BDP1: variants seen among roughly 807,000 people sequenced by gnomAD.
BDP1 encodes the protein BDP1 general transcription factor IIIB subunit, also known as transcription factor TFIIIB component B'' homolog.
A neutral mutation model predicts 266.6 loss-of-function variants in BDP1; 169 were observed. That is an observed-to-expected ratio of 0.63 (90% confidence interval 0.56 to 0.72). BDP1 has a LOEUF of 0.72. Ranked by LOEUF, BDP1 falls within the 30% of genes least tolerant of loss-of-function variation. The pLI is 0.00. For missense variants in BDP1, 3,015 were observed against 3,053.8 expected, an observed-to-expected ratio of 0.99 and a Z score of 0.30; for synonymous variants, 1,090 against 1,022.4, an observed-to-expected ratio of 1.07 and a Z score of -1.26.
At chr5:71,503,693 A>G (rs1267812065) in intron 15 of BDP1, among the ~76,000 whole-genome samples, 1 of 152,166 alleles carries the variant, frequency 6.6e-6, no homozygotes, top group Non-Finnish European at 1.5e-5. Flanking sequence ...TAGGCCAGGC[A>G]TGGTGACTCA....
intron 7 of BDP1, among the ~76,000 whole-genome samples, chr5:71,483,185 G>A (rs1278557375): frequency 1.3e-5 from 2 of 151,642 alleles, no homozygotes; most frequent in African/African-American, 4.9e-5. Flanking sequence ...AACATTGGCT[G>A]TTTGTTTCCT....
At position 71,521,057 on chromosome 5, in the gene BDP1, G is replaced by A. The variant is rs187221697; in HGVS notation, c.4992-1232G>A. 3.8e-4 allele frequency among the ~76,000 whole-genome samples: 57 copies of A among 151,538 alleles called. No homozygotes were observed. In the East Asian group the frequency reaches 6.6e-3, roughly 18 times the overall value. On this transcript the variant is annotated intron_variant, in intron 22 of 38. Coordinates refer to ENST00000358731, the MANE Select transcript of BDP1 (RefSeq NM_018429.3). ...TACAAAATTAGCCAGCCGTGGTGGC[G>A]CATGCCTGTAATCCCAGCTACTTGA...
At chr5:71,556,633 CTA>C (rs1743234974) in intron 35 of BDP1, among the ~76,000 whole-genome samples, 1 of 152,054 alleles carries the variant, frequency 6.6e-6, no homozygotes, top group Non-Finnish European at 1.5e-5. Flanking sequence ...GCTGCTTGTA[CTA>C]TTTCTTTGAT....
intron 35 of BDP1, among the ~76,000 whole-genome samples, chr5:71,555,725 G>A (rs1404024306): frequency 1.3e-5 from 2 of 152,116 alleles, no homozygotes; most frequent in Non-Finnish European, 2.9e-5. Context: ...ACAGGTGTGG[G>A]CCACCACGCC....
At chr5:71,549,105 G>A (rs1373860468) in intron 33 of BDP1, among the ~76,000 whole-genome samples, 3 of 152,162 alleles carry the variant, frequency 2.0e-5, no homozygotes, top group African/African-American at 7.2e-5. Context: ...AGGCACGGTG[G>A]CATGCACCTG....
chr5:71,507,908 G>A (rs529613675), intron 16 of BDP1, among the ~76,000 whole-genome samples: 2 of 152,294 alleles, frequency 1.3e-5, no homozygotes, highest in South Asian at 2.1e-4. Flanking sequence ...ATTTCAGTGA[G>A]GAAGGATAGT....
chr5:71,472,234 G>T (rs528951592), intron 7 of BDP1, among the ~76,000 whole-genome samples: 25 of 152,360 alleles, frequency 1.6e-4, no homozygotes, highest in African/African-American at 5.8e-4. Context: ...GCCAAGGCAG[G>T]TGGATCACCT....
chr5:71,462,033 G>T (rs529931583), intron 3 of BDP1, 107 bp downstream of exon 3: 432 of 655,882 alleles, frequency 6.6e-4, no homozygotes, highest in Non-Finnish European at 4.6e-5. Context: ...TGCAATCTTG[G>T]CTCACTGCAA....
intron 2 of BDP1, among the ~76,000 whole-genome samples, chr5:71,459,471 C>G (rs1761410184): frequency 6.6e-6 from 1 of 152,164 alleles, no homozygotes; most frequent in African/African-American, 2.4e-5. Context: ...GAGATTGTGC[C>G]TCTGCATTCC....
intron 36 of BDP1, 71 bp downstream of exon 36, chr5:71,556,996 C>G: frequency 1.3e-6 from 1 of 767,676 alleles, no homozygotes; most frequent in Non-Finnish European, 2.0e-6. Flanking sequence ...ATACCTTGTT[C>G]AAATATGAGA....
chr5:71,564,708 GTTGTA>G (rs774147825), intron 38 of BDP1, 41 bp from the exon 39 acceptor site: 14 of 1,486,826 alleles, frequency 9.4e-6, no homozygotes, highest in Admixed American at 5.8e-5. Flanking sequence ...ATATATAAAT[GTTGTA>G]TTACAGTTTT....
intron 29 of BDP1, 86 bp downstream of exon 29, chr5:71,541,768 T>A: frequency 1.2e-6 from 1 of 821,846 alleles, no homozygotes; most frequent in South Asian, 2.3e-5. Flanking sequence ...AAATGTAAAG[T>A]AGGCAATGCT....
chr5:71,572,302 C>G (rs1055951892), downstream of BDP1, among the ~76,000 whole-genome samples: 4 of 148,518 alleles, frequency 2.7e-5, no homozygotes, highest in Non-Finnish European at 5.9e-5. Context: ...GCATTCATCC[C>G]CCTTTGTTCA....
intron 25 of BDP1, among the ~76,000 whole-genome samples, chr5:71,527,574 T>C (rs1411338245): frequency 1.3e-5 from 2 of 152,218 alleles, no homozygotes; most frequent in Non-Finnish European, 2.9e-5. Context: ...AGTTCATCTA[T>C]GTTGTAGCTT....
intron 26 of BDP1, among the ~76,000 whole-genome samples, chr5:71,533,845 T>C (rs1766412905): frequency 6.6e-6 from 1 of 152,192 alleles, no homozygotes; most frequent in Non-Finnish European, 1.5e-5. Flanking sequence ...TGGTGACTAA[T>C]GATGTCAGGC....
intron 26 of BDP1, among the ~76,000 whole-genome samples, chr5:71,532,663 A>T (rs1181982159): frequency 6.6e-6 from 1 of 152,246 alleles, no homozygotes; most frequent in Non-Finnish European, 1.5e-5. Context: ...CATTAAATTT[A>T]TACTAAGTAT....
At chr5:71,564,025 T>C (rs1016985714) in intron 38 of BDP1, among the ~76,000 whole-genome samples, 1 of 152,258 alleles carries the variant, frequency 6.6e-6, no homozygotes, top group Non-Finnish European at 1.5e-5. Context: ...AATCTTTTGA[T>C]CCATCTAGAA....
chr5:71,463,643 G>A (rs1375416783), intron 3 of BDP1, among the ~76,000 whole-genome samples: 1 of 151,914 alleles, frequency 6.6e-6, no homozygotes, highest in Non-Finnish European at 1.5e-5. Flanking sequence ...GCGATATGGT[G>A]AGACCTCGTC....
At chr5:71,500,299 G>A (rs993112513) in intron 13 of BDP1, among the ~76,000 whole-genome samples, 24 of 134,604 alleles carry the variant, frequency 1.8e-4, no homozygotes, top group African/African-American at 6.6e-4. Context: ...TTTCTTTGAA[G>A]TGTTGTAATC....
Sources: allele counts gnomAD v4.1 joint callset (sites outside exome capture counted in the v4.1 genomes callset), GRCh38; gene constraint gnomAD v4.1.1; transcripts MANE v1.5; gene names NCBI Gene and HGNC (gene_info 2026-07-23, HGNC 2026-07-21).